GALNTL6: variants seen among roughly 807,000 people sequenced by gnomAD.
GALNTL6 encodes polypeptide N-acetylgalactosaminyltransferase like 6.
A neutral mutation model predicts 73.7 loss-of-function variants in GALNTL6; 46 were observed. The ratio of observed to expected loss-of-function variants is 0.62; its 90% CI spans 0.49 to 0.80. The LOEUF (loss-of-function observed/expected upper bound fraction) is 0.80. GALNTL6 is among the 30% of genes least tolerant of loss of function. GALNTL6 has a pLI of 0.00. For synonymous variants in GALNTL6, 259 were observed against 263.7 expected (o/e 0.98, Z 0.17); for missense variants, 604 against 755.0 (o/e 0.80, Z 2.34).
chr4:172,174,346 C>T (rs1734925844), intron 2 of GALNTL6, among the ~76,000 whole-genome samples: 1 of 152,108 alleles, frequency 6.6e-6, no homozygotes, highest in Non-Finnish European at 1.5e-5. Flanking sequence ...TGAAATGGGC[C>T]TGCCTTAGTG....
chr4:172,522,687 A>G (rs966756983), intron 5 of GALNTL6, among the ~76,000 whole-genome samples: 4 of 118,236 alleles, frequency 3.4e-5, no homozygotes, highest in African/African-American at 1.2e-4. Context: ...CCAAAAAAAA[A>G]GTGTATTTTA....
intron 3 of GALNTL6, among the ~76,000 whole-genome samples, chr4:172,264,656 G>GTGTA (rs1335191590): frequency 2.8e-5 from 4 of 144,316 alleles, no homozygotes; most frequent in South Asian, 2.2e-4. Context: ...ACGTATAAGT[G>GTGTA]TGTATGTATG....
intron 4 of GALNTL6, among the ~76,000 whole-genome samples, chr4:172,345,701 TA>T (rs1397940341): frequency 6.6e-6 from 1 of 152,110 alleles, no homozygotes; most frequent in Non-Finnish European, 1.5e-5. Flanking sequence ...TAGGTTCCTC[TA>T]GAAGCAAACC....
chr4:172,408,264 A>G (rs889889023), intron 5 of GALNTL6, among the ~76,000 whole-genome samples: 1 of 152,026 alleles, frequency 6.6e-6, no homozygotes, highest in Non-Finnish European at 1.5e-5. Context: ...TGTCTTCTCT[A>G]TGAATTTTCT....
At chr4:172,461,072 A>G (rs1362725181) in intron 5 of GALNTL6, among the ~76,000 whole-genome samples, 1 of 152,204 alleles carries the variant, frequency 6.6e-6, no homozygotes. Flanking sequence ...TTGGAGGGAC[A>G]TGGTTGAAGC....
chr4:172,558,265 A>C (rs1006480211), intron 5 of GALNTL6, among the ~76,000 whole-genome samples: 4 of 152,218 alleles, frequency 2.6e-5, no homozygotes, highest in African/African-American at 9.6e-5. Context: ...CCTACCAGAT[A>C]AAGAAAATAT....
At chr4:171,883,733 C>T (rs944317124) in intron 2 of GALNTL6, among the ~76,000 whole-genome samples, 5 of 151,696 alleles carry the variant, frequency 3.3e-5, no homozygotes, top group Non-Finnish European at 5.9e-5. Context: ...CTGCAAGCTC[C>T]GCCTCCCGGG....
At chr4:172,182,376 T>G (rs1417555706) in intron 2 of GALNTL6, among the ~76,000 whole-genome samples, 1 of 152,124 alleles carries the variant, frequency 6.6e-6, no homozygotes, top group Non-Finnish European at 1.5e-5. Flanking sequence ...TACAGAACAA[T>G]TTGGTAAAGA....
intron 3 of GALNTL6, among the ~76,000 whole-genome samples, chr4:172,278,486 A>G (rs539019608): frequency 1.6e-4 from 24 of 151,940 alleles, no homozygotes; most frequent in Admixed American, 7.2e-4. Flanking sequence ...CTGTAAACCT[A>G]CTGTTTCATC....
intron 8 of GALNTL6, among the ~76,000 whole-genome samples, chr4:172,925,362 C>T (rs536034417): frequency 3.9e-5 from 6 of 152,194 alleles, no homozygotes; most frequent in South Asian, 2.1e-4. Context: ...ATGAGGTTAT[C>T]GATAGAAGAC....
chr4:172,005,420 C>CTTTTG (rs1184220369), intron 2 of GALNTL6, among the ~76,000 whole-genome samples: 1 of 152,032 alleles, frequency 6.6e-6, no homozygotes, highest in East Asian at 1.9e-4. Flanking sequence ...AGCCACTGCC[C>CTTTTG]CAGGACTTAA....
intron 5 of GALNTL6, among the ~76,000 whole-genome samples, chr4:172,771,617 T>C (rs1384296655): frequency 3.9e-5 from 6 of 152,212 alleles, no homozygotes; most frequent in South Asian, 2.1e-4. Context: ...ATCATCGTTT[T>C]CTCTGGGAAG....
chr4:172,921,491 T>C (rs1343107432), intron 8 of GALNTL6, among the ~76,000 whole-genome samples: 1 of 152,004 alleles, frequency 6.6e-6, no homozygotes, highest in Non-Finnish European at 1.5e-5. Flanking sequence ...TGAACTGCAT[T>C]ATGACAAAAG....
chr4:172,813,095 A>G (rs1233650202), intron 6 of GALNTL6, among the ~76,000 whole-genome samples: 1 of 152,208 alleles, frequency 6.6e-6, no homozygotes, highest in African/African-American at 2.4e-5. Flanking sequence ...ATGAAATTAG[A>G]TGCTACAAAA....
chr4:171,818,470 A>G (rs530734724), intron 2 of GALNTL6, among the ~76,000 whole-genome samples: 2 of 150,960 alleles, frequency 1.3e-5, no homozygotes, highest in Admixed American at 1.3e-4. Context: ...GGATCTTGCA[A>G]TTTTTTAAAT....
intron 2 of GALNTL6, among the ~76,000 whole-genome samples, chr4:172,107,479 T>C (rs964739660): frequency 6.6e-6 from 1 of 151,930 alleles, no homozygotes; most frequent in South Asian, 2.1e-4. Context: ...GGAGTCACCA[T>C]GGAATACTAT....
rs563943944 is a variant in GALNTL6 at position 172,301,344 on chromosome 4, G to A, written c.248-10270G>A. On this transcript the variant is annotated intron_variant, in intron 3 of 12. Coordinates refer to ENST00000506823, the MANE Select transcript of GALNTL6 (RefSeq NM_001034845.3). ...ACCTTTAGCTTGGAGTAGTTTGATCGTCTGAAGCCTTCTTCTCTCAACTCG... is the reference window on the plus strand; with the variant it reads ...ACCTTTAGCTTGGAGTAGTTTGATCATCTGAAGCCTTCTTCTCTCAACTCG... Among the ~76,000 whole-genome samples, 578 of 152,026 alleles carry A rather than the reference G, an allele frequency of 3.8e-3. 1 individual carries two copies. Among genetic ancestry groups the A allele is most frequent in the African/African-American group, 0.013 (527 of 41,514 alleles).
intron 7 of GALNTL6, among the ~76,000 whole-genome samples, chr4:172,833,639 G>A (rs1742756623): frequency 6.6e-6 from 1 of 152,028 alleles, no homozygotes; most frequent in Admixed American, 6.6e-5. Flanking sequence ...GTGACTTTAG[G>A]TTATCATTCT....
chr4:172,855,287 T>C (rs997575708), intron 7 of GALNTL6, among the ~76,000 whole-genome samples: 1 of 152,134 alleles, frequency 6.6e-6, no homozygotes, highest in Non-Finnish European at 1.5e-5. Context: ...CTTAAGTTTG[T>C]CTAAGTGGTA....
Sources: allele counts gnomAD v4.1 joint callset (sites outside exome capture counted in the v4.1 genomes callset), GRCh38; gene constraint gnomAD v4.1.1; transcripts MANE v1.5; gene names NCBI Gene and HGNC (gene_info 2026-07-23, HGNC 2026-07-21).